GRAP2: variants seen among roughly 807,000 people sequenced by gnomAD.
GRAP2 encodes GRB2-related adapter protein 2.
Under a neutral mutation model 43.5 loss-of-function variants are expected in GRAP2, and 31 were observed. That is an observed-to-expected ratio of 0.71 (90% confidence interval 0.54 to 0.96). The LOEUF (loss-of-function observed/expected upper bound fraction) is 0.96. Among genes scored for constraint, GRAP2 ranks in the 40% least tolerant of loss-of-function variants. The pLI is 0.00. For synonymous variants in GRAP2, 156 were observed against 164.8 expected (o/e 0.95, Z 0.41); for missense variants, 371 against 424.4 (o/e 0.87, Z 1.11).
intron 4 of GRAP2, chr22:39,960,545 C>T (rs910186762): frequency 4.9e-6 from 1 of 204,888 alleles, no homozygotes; most frequent in African/African-American, 2.2e-5. Flanking sequence ...AGGAGGAGAA[C>T]TCCCACTTGT....
chr22:39,896,180 C>A (rs1487826995), upstream of GRAP2, among the ~76,000 whole-genome samples: 1 of 152,120 alleles, frequency 6.6e-6, no homozygotes, highest in African/African-American at 2.4e-5. Flanking sequence ...AGCAGAGGAA[C>A]TGGAAGAAGA....
chr22:39,899,922 G>C (rs137867597), upstream of GRAP2, among the ~76,000 whole-genome samples: 459 of 152,142 alleles, frequency 3.0e-3, 2 homozygotes, highest in Non-Finnish European at 5.7e-3. Context: ...GGAGACGGAG[G>C]TTGCAGTGAG....
In GRAP2 at chr22:39,969,744, C is replaced by T. The variant is rs574984697; in HGVS notation, c.813+211C>T. Among the ~76,000 whole-genome samples the T allele has an allele frequency of 3.3e-5, 5 of 152,110 alleles. No homozygotes were observed. In the East Asian group the frequency reaches 5.8e-4, roughly 18 times the overall value. ...GCCTGGCCAACATGGTGAAACCTCA[C>T]GTCTACTAAAAATACAAAAATTAGC... On this transcript the variant is annotated intron_variant, in intron 7 of 7. Coordinates refer to ENST00000344138, the MANE Select transcript of GRAP2 (RefSeq NM_004810.4).
Position 39,956,634 on chromosome 22 carries a change from A to G in GRAP2, c.170+724A>G, listed in dbSNP as rs144008698. ...CAGGTGCATGCCACCACACCCAGCT[A>G]ACTTTTGTATTTTTAGTAGAGATGG... On this transcript the variant is annotated intron_variant, in intron 3 of 7. Transcript: ENST00000344138. Among the ~76,000 whole-genome samples, 36 of 151,652 alleles carry G rather than the reference A, an allele frequency of 2.4e-4. 2 individuals are homozygous for G. In the East Asian group the frequency reaches 7.0e-3, roughly 30 times the overall value.
At chr22:39,935,142 G>C (rs186085493) in intron 1 of GRAP2, among the ~76,000 whole-genome samples, 1 of 152,364 alleles carries the variant, frequency 6.6e-6, no homozygotes, top group Non-Finnish European at 1.5e-5. Flanking sequence ...TTTCAGCTTA[G>C]AAATGGGAAT....
intron 1 of GRAP2, among the ~76,000 whole-genome samples, chr22:39,936,465 T>G (rs1001951793): frequency 2.0e-5 from 3 of 152,138 alleles, no homozygotes; most frequent in Non-Finnish European, 4.4e-5. Context: ...TTTTGTTGTT[T>G]TGGATTGATG....
At position 39,968,082 on chromosome 22, in the gene GRAP2, G is replaced by A. The variant is rs2067193674; in HGVS notation, c.500G>A (p.Gly167Asp). Residue 167 changes from glycine to aspartate, a missense_variant, in exon 6 of 8, where the codon GGC becomes GAC. Physicochemically the swap from Gly to Asp is moderately conservative, Grantham distance 94. Transcript: ENST00000344138. ...AGCCTGGACCGGAGGTCCCAGGGAGGCCCACACCTCAGTGGGGCTGTGGGA... is the reference window on the plus strand; with the variant it reads ...AGCCTGGACCGGAGGTCCCAGGGAGACCCACACCTCAGTGGGGCTGTGGGA... ...GNSLDRRSQG[G>D]PHLSGAVGEE... The A allele has an allele frequency of 6.2e-7, 1 of 1,612,432 alleles. No individual in the cohort carries two copies. The highest frequency in any genetic ancestry group is 1.1e-5 in the South Asian group (1 of 90,750).
At chr22:39,964,368 A>G (rs2067149751) in intron 4 of GRAP2, 1 of 721,898 alleles carries the variant, frequency 1.4e-6, no homozygotes, top group Non-Finnish European at 2.5e-6. Context: ...AAGGGGCGGC[A>G]GGCGCCATGT....
At chr22:39,895,529 G>A in the GRAP2 span, among the ~76,000 whole-genome samples, 3 of 152,024 alleles carry the variant, frequency 2.0e-5, no homozygotes, top group Non-Finnish European at 4.4e-5. Context: ...AAATAGTGGG[G>A]GACAAACTAC....
intron 1 of GRAP2, among the ~76,000 whole-genome samples, chr22:39,937,511 G>T (rs900164236): frequency 6.6e-6 from 1 of 152,210 alleles, no homozygotes; most frequent in Non-Finnish European, 1.5e-5. Context: ...TGCTTGAGAG[G>T]CTGAAAAGTA....
Position 39,973,110 on chromosome 22 carries a change from G to GACC in GRAP2, c.*2026_*2027insACC. 1 of 152,566 alleles carries GACC rather than the reference G, an allele frequency of 6.6e-6. No individual in the cohort carries two copies. The highest frequency in any genetic ancestry group is 6.5e-5 in the Admixed American group (1 of 15,300). 9.5% of individuals were successfully genotyped at this position (152,566 alleles called of 1,614,324 possible). A position where few individuals can be genotyped will look rare whatever the true frequency, so the allele number is the denominator to read the frequency against. On this transcript the variant is annotated 3_prime_UTR_variant, in exon 8 of 8. Transcript: ENST00000344138. ...AGAGAAGACCTCCTCAGCTATTTTG[G>GACC]TGCTAGGTAATGTGAAATGCTGCAG...
chr22:39,925,070 A>T (rs928597386), intron 1 of GRAP2, among the ~76,000 whole-genome samples: 3 of 152,118 alleles, frequency 2.0e-5, no homozygotes, highest in Non-Finnish European at 2.9e-5. Context: ...CAGGGTGGGG[A>T]TAGACTGAGG....
chr22:39,911,110 A>C (rs1169706729), intron 1 of GRAP2, among the ~76,000 whole-genome samples: 1 of 152,182 alleles, frequency 6.6e-6, no homozygotes, highest in Non-Finnish European at 1.5e-5. Flanking sequence ...ACCCTAAGGA[A>C]ATGTCACTCA....
chr22:39,901,342 TACA>T lies in GRAP2; in HGVS notation c.-15+16_-15+18del. ...TTCTCTTCCAAAAGGTATGTCATTATACAACATCTGTACATATACTCTAGAAAC... is the reference window on the plus strand; with the variant it reads ...TTCTCTTCCAAAAGGTATGTCATTATACATCTGTACATATACTCTAGAAAC... On this transcript the variant is annotated intron_variant, in intron 1 of 7. Transcript: ENST00000344138. 1 of 983,528 alleles carries T rather than the reference TACA, an allele frequency of 1.0e-6. No individual in the cohort carries two copies. The highest frequency in any genetic ancestry group is 1.4e-6 in the Non-Finnish European group (1 of 709,742). 60.9% of individuals were successfully genotyped at this position (983,528 alleles called of 1,614,324 possible).
At position 39,971,399 on chromosome 22, in the gene GRAP2, C is replaced by A; in HGVS notation, c.*315C>A. On this transcript the variant is annotated 3_prime_UTR_variant, in exon 8 of 8. Transcript: ENST00000344138. ...TCCTGGCCTTCAGCTGTCACTGCTT[C>A]CTCCTTGTCTTGGGAATTTTCACGG... is the stretch of plus-strand genomic sequence containing the variant. The A allele has an allele frequency of 3.0e-6, 1 of 332,382 alleles. No homozygotes were observed. The highest frequency in any genetic ancestry group is 5.3e-5 in the Admixed American group (1 of 18,758). The allele number at this position is 332,382 out of a possible 1,614,324, so 20.6% of individuals were successfully genotyped here.
chr22:39,968,066 C>G lies in GRAP2; in HGVS notation c.484C>G (p.Arg162Gly), dbSNP rs376190713. The G allele has an allele frequency of 3.1e-6, 5 of 1,612,744 alleles. No homozygotes were observed. Among genetic ancestry groups the G allele is most frequent in the Non-Finnish European group, 4.2e-6 (5 of 1,179,402 alleles). ...GGGTCACCGGGGCAACAGCCTGGAC[C>G]GGAGGTCCCAGGGAGGCCCACACCT... The part of the protein sequence containing the change: ...DQGHRGNSLD[R>G]RSQGGPHLSG... The change falls in exon 6 of 8, where the codon CGG (arginine) becomes GGG (glycine). Residue 162 changes from arginine to glycine, a missense_variant. Physicochemically the swap from Arg to Gly is moderately radical, Grantham distance 125 (BLOSUM62 -2). Transcript: ENST00000344138.
chr22:39,923,621 A>T (rs2066672571), intron 1 of GRAP2, among the ~76,000 whole-genome samples: 1 of 152,198 alleles, frequency 6.6e-6, no homozygotes, highest in Non-Finnish European at 1.5e-5. Flanking sequence ...ACTCCCAATT[A>T]TCGAGTAAAT....
At chr22:39,957,647 G>T (rs1424511581) in intron 3 of GRAP2, among the ~76,000 whole-genome samples, 6 of 152,128 alleles carry the variant, frequency 3.9e-5, no homozygotes, top group Admixed American at 3.9e-4. Context: ...AAACCCAGAG[G>T]CCAGGTGGGT....
chr22:39,900,107 T>C (rs572927563), upstream of GRAP2, among the ~76,000 whole-genome samples: 1 of 152,340 alleles, frequency 6.6e-6, no homozygotes, highest in South Asian at 2.1e-4. Context: ...TCAATAAAAA[T>C]GTTGGGCAAT....
Sources: allele counts gnomAD v4.1 joint callset (sites outside exome capture counted in the v4.1 genomes callset), GRCh38; gene constraint gnomAD v4.1.1; transcripts MANE v1.5; gene names NCBI Gene and HGNC (gene_info 2026-07-23, HGNC 2026-07-21).